The following CCDC7 variants were observed in gnomAD, a reference collection of about 807,000 sequenced individuals.
CCDC7 encodes the protein coiled-coil domain containing 7, also known as coiled-coil domain-containing protein 7.
Under a neutral mutation model 196.9 loss-of-function variants are expected in CCDC7, and 183 were observed. The ratio of observed to expected loss-of-function variants is 0.93; its 90% CI spans 0.82 to 1.05. The LOEUF is 1.05. Ranked by LOEUF, CCDC7 falls within the 50% of genes least tolerant of loss-of-function variation. The pLI is 0.00. For synonymous variants in CCDC7, 525 were observed against 484.6 expected, an observed-to-expected ratio of 1.08 and a Z score of -1.10; for missense variants, 1,540 against 1,482.2, an observed-to-expected ratio of 1.04 and a Z score of -0.64.
chr10:32,731,903 A>C (rs1354533896), intron 28 of CCDC7, among the ~76,000 whole-genome samples: 1 of 152,152 alleles, frequency 6.6e-6, no homozygotes, highest in Non-Finnish European at 1.5e-5. Flanking sequence ...AATACAAAAA[A>C]TTAGCGGCGC....
intron 18 of CCDC7, among the ~76,000 whole-genome samples, chr10:32,597,239 T>G (rs59955720): frequency 0.14 from 21,582 of 152,094 alleles, 1,871 homozygotes; most frequent in African/African-American, 0.25. Context: ...ACTCTTTTTT[T>G]CTCTAAACTT....
At chr10:32,873,032 C>T (rs1467496163) in intron 41 of CCDC7, among the ~76,000 whole-genome samples, 2 of 151,950 alleles carry the variant, frequency 1.3e-5, no homozygotes, top group Admixed American at 6.6e-5. Flanking sequence ...TTGCTCTTCT[C>T]GAGGAGTATC....
At chr10:32,806,176 G>A (rs905660429) in intron 30 of CCDC7, among the ~76,000 whole-genome samples, 1 of 152,086 alleles carries the variant, frequency 6.6e-6, no homozygotes, top group African/African-American at 2.4e-5. Flanking sequence ...CATATCACAG[G>A]GGAAAGAGTT....
At chr10:32,806,875 A>G (rs936379264) in intron 30 of CCDC7, among the ~76,000 whole-genome samples, 8 of 152,148 alleles carry the variant, frequency 5.3e-5, no homozygotes, top group African/African-American at 1.9e-4. Context: ...GCAGCAAGAG[A>G]AAAACAATGC....
intron 41 of CCDC7, among the ~76,000 whole-genome samples, chr10:32,855,217 T>G (rs569324930): frequency 6.6e-6 from 1 of 152,006 alleles, no homozygotes; most frequent in African/African-American, 2.4e-5. Flanking sequence ...TTTTTTTTTT[T>G]TAATTCATAC....
intron 5 of CCDC7, among the ~76,000 whole-genome samples, chr10:32,468,801 C>T (rs931088201): frequency 3.9e-5 from 6 of 152,202 alleles, no homozygotes; most frequent in Non-Finnish European, 8.8e-5. Flanking sequence ...GATTCTTATG[C>T]ACACTAACAT....
At chr10:32,482,919 TC>T (rs1352727051) in intron 8 of CCDC7, among the ~76,000 whole-genome samples, 1 of 152,194 alleles carries the variant, frequency 6.6e-6, no homozygotes, top group African/African-American at 2.4e-5. Flanking sequence ...TTGGGTTGGT[TC>T]CAAGTCTTTG....
rs537359031 is a variant in CCDC7 at position 32,641,818 on chromosome 10, A to G, written c.2014+6660A>G. 1.8e-4 allele frequency among the ~76,000 whole-genome samples: 27 copies of G among 152,310 alleles called. No homozygotes were observed. In the South Asian group the frequency reaches 5.6e-3, roughly 32 times the overall value. On this transcript the variant is annotated intron_variant, in intron 20 of 41. Transcript: ENST00000639629. ...TTGGTCTTTGATGATGGTGACGAAC[A>G]GATGGGGTTTTGGTGTGGATGTCCT...
intron 21 of CCDC7, among the ~76,000 whole-genome samples, chr10:32,679,170 G>A (rs943560832): frequency 1.3e-5 from 2 of 152,264 alleles, no homozygotes; most frequent in South Asian, 2.1e-4. Flanking sequence ...TATTTCACAA[G>A]CATGGGTTGT....
chr10:32,705,384 T>C (rs960184385), intron 24 of CCDC7, among the ~76,000 whole-genome samples: 2 of 152,034 alleles, frequency 1.3e-5, no homozygotes, highest in East Asian at 1.9e-4. Flanking sequence ...GTAAAGACCA[T>C]CGATGCTAGG....
chr10:32,841,748 TAAA>T (rs1251815363), intron 33 of CCDC7, among the ~76,000 whole-genome samples: 2 of 152,058 alleles, frequency 1.3e-5, no homozygotes, highest in South Asian at 4.2e-4. Flanking sequence ...GGTACTGGTA[TAAA>T]AATACACACA....
At chr10:32,603,718 T>C (rs1324737241) in intron 18 of CCDC7, among the ~76,000 whole-genome samples, 1 of 152,118 alleles carries the variant, frequency 6.6e-6, no homozygotes, top group Non-Finnish European at 1.5e-5. Context: ...ATGTTGAGCA[T>C]TTTTTAAATA....
At chr10:32,800,978 T>C (rs936373354) in intron 29 of CCDC7, among the ~76,000 whole-genome samples, 14 of 152,266 alleles carry the variant, frequency 9.2e-5, no homozygotes, top group African/African-American at 3.4e-4. Flanking sequence ...TGATTGCTAC[T>C]TTGCCTCTGC....
chr10:32,720,483 T>C (rs2082249957), intron 25 of CCDC7, among the ~76,000 whole-genome samples: 1 of 152,072 alleles, frequency 6.6e-6, no homozygotes, highest in Non-Finnish European at 1.5e-5. Flanking sequence ...GATGATGGGT[T>C]GATGGGTGCA....
rs557165436 is a variant in CCDC7 at position 32,643,463 on chromosome 10, C to G, written c.2014+8305C>G. Among the ~76,000 whole-genome samples, 12 of 151,768 alleles carry G rather than the reference C, an allele frequency of 7.9e-5. No homozygotes were observed. In the South Asian group the frequency reaches 1.7e-3, roughly 21 times the overall value. ...TTGTTTACAAATCCAGTGTGACTGT[C>G]TTTTTTTATTCATAGAACGTTTCAA... On this transcript the variant is annotated intron_variant, in intron 20 of 41. Transcript: ENST00000639629.
At chr10:32,873,963 G>A (rs1346348184) in intron 41 of CCDC7, among the ~76,000 whole-genome samples, 1 of 151,526 alleles carries the variant, frequency 6.6e-6, no homozygotes, top group Non-Finnish European at 1.5e-5. Flanking sequence ...GAGAAATAAT[G>A]CATATATATA....
At chr10:32,687,849 C>T (rs1229589725) in intron 22 of CCDC7, among the ~76,000 whole-genome samples, 2 of 152,132 alleles carry the variant, frequency 1.3e-5, no homozygotes, top group East Asian at 1.9e-4. Context: ...TTATAGGTAT[C>T]GTCACCATTT....
At chr10:32,463,829 A>G (rs1043592577) in intron 5 of CCDC7, among the ~76,000 whole-genome samples, 3 of 152,166 alleles carry the variant, frequency 2.0e-5, no homozygotes, top group Non-Finnish European at 2.9e-5. Flanking sequence ...GAAGACTTTC[A>G]TGGTCTATAT....
intron 28 of CCDC7, among the ~76,000 whole-genome samples, chr10:32,735,477 G>A (rs1490054491): frequency 3.3e-5 from 5 of 152,084 alleles, no homozygotes; most frequent in Non-Finnish European, 4.4e-5. Flanking sequence ...TGACATATAT[G>A]TTGAACATCT....
Sources: gnomAD v4.1 joint callset for allele counts (sites outside exome capture counted in the v4.1 genomes callset) on GRCh38, gnomAD v4.1.1 for gene constraint, MANE v1.5 for transcripts, NCBI Gene and HGNC (gene_info 2026-07-23, HGNC 2026-07-21) for gene names.